TLN2: variants seen among roughly 807,000 people sequenced by gnomAD.
TLN2 encodes the protein talin-2.
A neutral mutation model predicts 294.7 loss-of-function variants in TLN2; 118 were observed. That is an observed-to-expected ratio of 0.40 (90% CI 0.34 to 0.47). The LOEUF (loss-of-function observed/expected upper bound fraction) is 0.47. Among genes scored for constraint, TLN2 ranks in the 20% least tolerant of loss-of-function variants. The pLI, the probability that TLN2 is intolerant of heterozygous loss-of-function variation, is 0.84. For missense variants in TLN2, 3,083 were observed against 3,282.2 expected (o/e 0.94, Z 1.48); for synonymous variants, 1,431 against 1,304.5 (o/e 1.10, Z -2.09).
Position 62,653,236 on chromosome 15 carries a change from C to T in TLN2, c.439C>T (p.Leu147Phe). 1 of 1,613,256 alleles carries T rather than the reference C, an allele frequency of 6.2e-7. No individual in the cohort carries two copies. Among genetic ancestry groups the T allele is most frequent in the Non-Finnish European group, 8.5e-7 (1 of 1,179,766 alleles). Residue 147 changes from leucine to phenylalanine, a missense_variant, in exon 7 of 59, where the codon CTC becomes TTC. Physicochemically the swap from Leu to Phe is conservative, Grantham distance 22 (BLOSUM62 0). Coordinates refer to ENST00000636159, the MANE Select transcript of TLN2 (RefSeq NM_015059.3). The part of the protein sequence containing the change: ...EEKKEEGTGT[L>F]KKDRTLLRDE... ...AAAGAAAGAGGAAGGAACGGGCACA[C>T]TCAAAAAAGACAGGACACTGTTACG...
At chr15:62,503,311 T>C (rs1288959489) in intron 1 of TLN2, among the ~76,000 whole-genome samples, 1 of 152,234 alleles carries the variant, frequency 6.6e-6, no homozygotes, top group Non-Finnish European at 1.5e-5. Flanking sequence ...AGCACTAAGA[T>C]CTGAACTAAC....
At chr15:62,489,225 C>T (rs1310234787) in intron 1 of TLN2, among the ~76,000 whole-genome samples, 1 of 152,168 alleles carries the variant, frequency 6.6e-6, no homozygotes, top group African/African-American at 2.4e-5. Context: ...AAGGTATACA[C>T]AGGGGTCCTC....
chr15:62,779,029 T>C (rs1054307373), intron 43 of TLN2, among the ~76,000 whole-genome samples: 5 of 152,368 alleles, frequency 3.3e-5, no homozygotes, highest in Non-Finnish European at 2.9e-5. Flanking sequence ...AACTCTGAGA[T>C]ACTATTAGAC....
intron 32 of TLN2, among the ~76,000 whole-genome samples, chr15:62,746,678 G>A (rs565701257): frequency 6.6e-6 from 1 of 152,184 alleles, no homozygotes; most frequent in African/African-American, 2.4e-5. Context: ...TTTTATATTA[G>A]TGTTGGTGAT....
chr15:62,796,036 C>T, intron 46 of TLN2, 91 bp from the exon 47 acceptor site: 1 of 1,504,972 alleles, frequency 6.6e-7, no homozygotes, highest in South Asian at 1.3e-5. Context: ...TACATCAACT[C>T]CTAGGAGAGA....
At chr15:62,780,296 A>G (rs947393982) in intron 43 of TLN2, among the ~76,000 whole-genome samples, 29 of 152,138 alleles carry the variant, frequency 1.9e-4, no homozygotes, top group African/African-American at 7.0e-4. Flanking sequence ...CATCATTGGC[A>G]TTATCATCTT....
intron 7 of TLN2, 38 bp from the exon 8 acceptor site, chr15:62,655,906 A>G (rs2053156315): frequency 1.2e-6 from 2 of 1,608,864 alleles, no homozygotes; most frequent in East Asian, 2.2e-5. Context: ...AACAGGAAAA[A>G]TAAACACAGT....
At position 62,844,625 on chromosome 15, in the gene TLN2, G is replaced by A. The variant is rs1032400022; in HGVS notation, c.*4015G>A. ...ATTTGCCAGAAATAAACCTTTAAAGGAACAAACCTGTGTGGAGGACTCATG... is the reference window on the plus strand; with the variant it reads ...ATTTGCCAGAAATAAACCTTTAAAGAAACAAACCTGTGTGGAGGACTCATG... On this transcript the variant is annotated 3_prime_UTR_variant, in exon 59 of 59. Coordinates refer to ENST00000636159, the MANE Select transcript of TLN2 (RefSeq NM_015059.3). 4 of 152,056 alleles carry A rather than the reference G, an allele frequency of 2.6e-5. No homozygotes were observed. The highest frequency in any genetic ancestry group is 1.3e-4 in the Admixed American group (2 of 15,274). The allele number at this position is 152,056 out of a possible 1,614,324, so 9.4% of individuals were successfully genotyped here.
intron 33 of TLN2, among the ~76,000 whole-genome samples, chr15:62,749,569 C>G (rs556267518): frequency 3.3e-5 from 5 of 152,314 alleles, no homozygotes; most frequent in African/African-American, 1.2e-4. Flanking sequence ...CCCTCTTTCC[C>G]TCCCATCTTT....
At chr15:62,690,500 C>T in intron 12 of TLN2, 2 of 162,232 alleles carry the variant, frequency 1.2e-5, no homozygotes, top group East Asian at 1.9e-4. Context: ...GGGATGGCGG[C>T]CGGGCAGAGA....
intron 1 of TLN2, among the ~76,000 whole-genome samples, chr15:62,512,788 A>G (rs2039996390): frequency 6.6e-6 from 1 of 152,192 alleles, no homozygotes; most frequent in African/African-American, 2.4e-5. Flanking sequence ...CATCCTACAC[A>G]AATCCTCCAT....
chr15:62,457,351 G>A (rs781024956), intron 1 of TLN2, among the ~76,000 whole-genome samples: 2 of 152,222 alleles, frequency 1.3e-5, no homozygotes, highest in Non-Finnish European at 2.9e-5. Context: ...CCACTGTCGT[G>A]ACCTCATCTA....
At chr15:62,814,580 A>G (rs950497244) in intron 52 of TLN2, among the ~76,000 whole-genome samples, 4 of 152,124 alleles carry the variant, frequency 2.6e-5, no homozygotes, top group Non-Finnish European at 5.9e-5. Context: ...TTATGTATTC[A>G]TTTATTTGTT....
At chr15:62,466,006 G>A (rs2037115058) in intron 1 of TLN2, among the ~76,000 whole-genome samples, 1 of 152,196 alleles carries the variant, frequency 6.6e-6, no homozygotes, top group South Asian at 2.1e-4. Flanking sequence ...GTGATAAGGA[G>A]AAAGCAGTTG....
intron 37 of TLN2, 23 bp from the exon 38 acceptor site, chr15:62,761,658 A>G: frequency 6.2e-7 from 1 of 1,613,938 alleles, no homozygotes; most frequent in Non-Finnish European, 8.5e-7. Context: ...ATTGGGCAGA[A>G]TCTCCCTGTT....
chr15:62,400,978 G>C (rs1428687817), intron 1 of TLN2, among the ~76,000 whole-genome samples: 1 of 152,032 alleles, frequency 6.6e-6, no homozygotes, highest in Non-Finnish European at 1.5e-5. Context: ...ACCATGCTTG[G>C]CTAATTTTTC....
chr15:62,400,277 A>C (rs1266777405), intron 1 of TLN2, among the ~76,000 whole-genome samples: 3 of 152,186 alleles, frequency 2.0e-5, no homozygotes, highest in Non-Finnish European at 4.4e-5. Context: ...TGTTTCCTTT[A>C]TCAATTACCC....
chr15:62,830,855 TTTC>T (rs546220033), intron 54 of TLN2: 5 of 152,172 alleles, frequency 3.3e-5, no homozygotes, highest in Admixed American at 2.6e-4. Context: ...ATCTTAATAC[TTTC>T]TTATCAGAGC....
intron 1 of TLN2, among the ~76,000 whole-genome samples, chr15:62,492,999 G>T (rs2038830713): frequency 6.6e-6 from 1 of 152,220 alleles, no homozygotes; most frequent in Non-Finnish European, 1.5e-5. Context: ...CCTGTTAGGG[G>T]TGGAAATATT....
Sources: gnomAD v4.1 joint callset for allele counts (sites outside exome capture counted in the v4.1 genomes callset) on GRCh38, gnomAD v4.1.1 for gene constraint, MANE v1.5 for transcripts, NCBI Gene and HGNC (gene_info 2026-07-23, HGNC 2026-07-21) for gene names.